The following ZSCAN12 variants were observed in gnomAD, a reference collection of about 807,000 sequenced individuals.
ZSCAN12 encodes the protein zinc finger and SCAN domain containing 12, also known as zinc finger and SCAN domain-containing protein 12.
A neutral mutation model predicts 23.4 loss-of-function variants in ZSCAN12; 18 were observed. The observed-to-expected ratio is 0.77, with a 90% CI of 0.53 to 1.14. ZSCAN12 has a LOEUF of 1.14. ZSCAN12 is among the 50% of genes most tolerant of loss of function. The pLI is 0.00. For synonymous variants in ZSCAN12, 186 were observed against 253.4 expected (o/e 0.73, Z 2.53); for missense variants, 650 against 735.0 (o/e 0.88, Z 1.34).
In ZSCAN12 at chr6:28,387,267, AT is replaced by A. The variant is rs1760596201; in HGVS notation, c.*3186del. On this transcript the variant is annotated 3_prime_UTR_variant, in exon 4 of 4. Transcript: ENST00000684592. ...AGTGTGCAGAAAGGCAAATGGAGGA[AT>A]GTGCGCAATGACAGAACATATTAAG... Among the ~76,000 whole-genome samples the A allele has an allele frequency of 6.6e-6, 1 of 152,212 alleles. No individual in the cohort carries two copies. Among genetic ancestry groups the A allele is most frequent in the Admixed American group, 6.5e-5 (1 of 15,284 alleles).
downstream of ZSCAN12, among the ~76,000 whole-genome samples, chr6:28,384,674 C>A (rs1760454619): frequency 6.6e-6 from 1 of 152,120 alleles, no homozygotes; most frequent in East Asian, 1.9e-4. Context: ...TTGTCAACAT[C>A]AAATTATATA....
At chr6:28,393,095 C>G (rs1399831570) in intron 2 of ZSCAN12, 49 bp from the exon 3 acceptor site, 1 of 1,538,550 alleles carries the variant, frequency 6.5e-7, no homozygotes, top group South Asian at 1.2e-5. Context: ...TAACAGAAAA[C>G]AAAAAGTATA....
At chr6:28,395,327 G>C (rs575599127) in intron 2 of ZSCAN12, among the ~76,000 whole-genome samples, 85 of 152,162 alleles carry the variant, frequency 5.6e-4, no homozygotes, top group African/African-American at 1.9e-3. Context: ...CACTCTATCT[G>C]ATGTTCAGAC....
At position 28,389,952 on chromosome 6, in the gene ZSCAN12, T is replaced by C. The variant is rs1760732468; in HGVS notation, c.*502A>G. Among the ~76,000 whole-genome samples, 1 of 152,208 alleles carries C rather than the reference T, an allele frequency of 6.6e-6. No individual in the cohort carries two copies. The highest frequency in any genetic ancestry group is 2.4e-5 in the African/African-American group (1 of 41,460). ...TGATTGCCCAATTTGCACGAACCTT[T>C]TACTTCAGGTTGGCTAGTCTTTTCC... On this transcript the variant is annotated 3_prime_UTR_variant, in exon 4 of 4. Coordinates refer to ENST00000684592, the MANE Select transcript of ZSCAN12 (RefSeq NM_001163391.2).
At chr6:28,382,319 G>A, downstream of ZSCAN12, 1 of 1,051,832 alleles carries the variant, frequency 9.5e-7, no homozygotes, top group African/African-American at 1.6e-5. Context: ...AAGTCCAAGT[G>A]GCTTTTTCCA....
At position 28,387,163 on chromosome 6, in the gene ZSCAN12, C is replaced by G. The variant is rs1760591271; in HGVS notation, c.*3291G>C. ...TTAAACAAGTATGAACTGTACCCTC[C>G]TATAATAGGCATATTCCATTGTTCT... is the stretch of plus-strand genomic sequence containing the variant. On this transcript the variant is annotated 3_prime_UTR_variant, in exon 4 of 4. Transcript: ENST00000684592. Among the ~76,000 whole-genome samples, 2 of 152,172 alleles carry G rather than the reference C, an allele frequency of 1.3e-5. No individual in the cohort carries two copies. The highest frequency in any genetic ancestry group is 4.1e-4 in the South Asian group (2 of 4,824).
chr6:28,397,944 T>C, intron 2 of ZSCAN12, 60 bp downstream of exon 2: 1 of 1,475,016 alleles, frequency 6.8e-7, no homozygotes, highest in Non-Finnish European at 9.0e-7. Context: ...TGTTCTTCAC[T>C]CTGGCCTAGA....
At chr6:28,379,282 G>A (rs1270360053) in exon 5 of ZSCAN12, 1 of 152,106 alleles carries the variant, frequency 6.6e-6, no homozygotes, top group African/African-American at 2.4e-5. Flanking sequence ...TCTGTCAATA[G>A]GCTATACATG....
chr6:28,391,097 C>T lies in ZSCAN12; in HGVS notation c.1193G>A (p.Arg398His), dbSNP rs374427653. Reference sequence around the variant, plus strand: ...TCCTTGATGCTGAGTAAGTATGGAACGCCGACTAAAACTTTTATTACACTG... The same window carrying T: ...TCCTTGATGCTGAGTAAGTATGGAATGCCGACTAAAACTTTTATTACACTG... ...CTQCNKSFSR[R>H]SILTQHQGVH... The change falls in exon 4 of 4, where the codon CGT (arginine) becomes CAT (histidine). Residue 398 changes from arginine (R) to histidine (H), a missense_variant. Transcript: ENST00000684592. The surrounding 1 kb of genome is among the most constrained non-coding windows in gnomAD (Gnocchi z 4.1). The T allele has an allele frequency of 1.5e-5, 24 of 1,552,218 alleles. No homozygotes were observed. Among genetic ancestry groups the T allele is most frequent in the East Asian group, 4.9e-5 (2 of 40,860 alleles).
rs761563651 is a variant in ZSCAN12 at position 28,389,139 on chromosome 6, G to A, written c.*1315C>T. 3.3e-5 allele frequency among the ~76,000 whole-genome samples: 5 copies of A among 152,258 alleles called. No homozygotes were observed. In the Middle Eastern group the frequency reaches 0.014, roughly 414 times the overall value. Reference sequence around the variant, plus strand: ...CCATTATTAGGGAATTCAGAACATAGTGCTAACATGAGATCTGAGAAATAA... The same window carrying A: ...CCATTATTAGGGAATTCAGAACATAATGCTAACATGAGATCTGAGAAATAA... On this transcript the variant is annotated 3_prime_UTR_variant, in exon 4 of 4. Coordinates refer to ENST00000684592, the MANE Select transcript of ZSCAN12 (RefSeq NM_001163391.2).
At chr6:28,382,306 G>C (rs1280109443), downstream of ZSCAN12, 1 of 872,752 alleles carries the variant, frequency 1.1e-6, no homozygotes, top group African/African-American at 1.7e-5. Flanking sequence ...TGACAGCTCT[G>C]TGAAGTCCAA....
Position 28,388,558 on chromosome 6 carries a change from T to C in ZSCAN12, c.*1896A>G. ...GCAAGAGACAGGGGCACTAAGAAAA[T>C]GGGGCTGGGGAGTATATTACAGGAG... On this transcript the variant is annotated 3_prime_UTR_variant, in exon 4 of 4. Coordinates refer to ENST00000684592, the MANE Select transcript of ZSCAN12 (RefSeq NM_001163391.2). 6.6e-6 allele frequency among the ~76,000 whole-genome samples: 1 copy of C among 151,772 alleles called. No homozygotes were observed. The highest frequency in any genetic ancestry group is 1.9e-4 in the East Asian group (1 of 5,150).
At chr6:28,383,714 T>C (rs191874764), downstream of ZSCAN12, among the ~76,000 whole-genome samples, 406 of 152,148 alleles carry the variant, frequency 2.7e-3, 1 homozygote, top group Middle Eastern at 0.01. Flanking sequence ...GGAAGAAATC[T>C]CTCCTTTCCA....
At chr6:28,393,736 C>CAA (rs60481063) in intron 2 of ZSCAN12, among the ~76,000 whole-genome samples, 5,528 of 90,466 alleles carry the variant, frequency 0.061, 228 homozygotes, top group African/African-American at 0.097. Context: ...ACTGTAGCTC[C>CAA]AAAAAAAAAA....
chr6:28,382,411 G>C (rs1199044147), downstream of ZSCAN12: 31 of 1,494,182 alleles, frequency 2.1e-5, no homozygotes, highest in Admixed American at 6.2e-4. Flanking sequence ...TTTAAAGTTT[G>C]AGGAAAGACC....
rs1170277560 is a variant in ZSCAN12, at chr6:28,386,541, T to A, written c.*3913A>T. Among the ~76,000 whole-genome samples, 1 of 152,258 alleles carries A rather than the reference T, an allele frequency of 6.6e-6. No homozygotes were observed. The highest frequency in any genetic ancestry group is 1.5e-5 in the Non-Finnish European group (1 of 68,038). ...TCCACAAAATGTACTCCTGACTTCA[T>A]CACAAAGCATTCTCTCTTCACTGCA... On this transcript the variant is annotated 3_prime_UTR_variant, in exon 4 of 4. Coordinates refer to ENST00000684592, the MANE Select transcript of ZSCAN12 (RefSeq NM_001163391.2).
rs1760638605 is a variant in ZSCAN12 at position 28,388,089 on chromosome 6, G to A, written c.*2365C>T. Among the ~76,000 whole-genome samples the A allele has an allele frequency of 6.6e-6, 1 of 152,144 alleles. No homozygotes were observed. Among genetic ancestry groups the A allele is most frequent in the Non-Finnish European group, 1.5e-5 (1 of 68,020 alleles). On this transcript the variant is annotated 3_prime_UTR_variant, in exon 4 of 4. Coordinates refer to ENST00000684592, the MANE Select transcript of ZSCAN12 (RefSeq NM_001163391.2). The stretch of plus-strand genomic sequence containing the variant: ...AGAAATGGGAGGCAGGGTAAACTTA[G>A]GTAGAGCACAGGCCTCACATACTTA...
intron 2 of ZSCAN12, among the ~76,000 whole-genome samples, chr6:28,394,545 A>G (rs895329515): frequency 1.3e-5 from 2 of 152,226 alleles, no homozygotes; most frequent in African/African-American, 4.8e-5. Flanking sequence ...GGAAAAGGCC[A>G]GTACTGCGAG....
chr6:28,383,808 T>G (rs1188352102), downstream of ZSCAN12, among the ~76,000 whole-genome samples: 1 of 152,178 alleles, frequency 6.6e-6, no homozygotes, highest in African/African-American at 2.4e-5. Flanking sequence ...TGGGAGCTTT[T>G]ATCTCAGGGC....
Sources: gnomAD v4.1 joint callset for allele counts (sites outside exome capture counted in the v4.1 genomes callset) on GRCh38, gnomAD v4.1.1 for gene constraint, Gnocchi (gnomAD v3.1) non-coding constraint, MANE v1.5 for transcripts, NCBI Gene and HGNC (gene_info 2026-07-23, HGNC 2026-07-21) for gene names.